EIF5B: variants seen among roughly 807,000 people sequenced by gnomAD.
The protein encoded by EIF5B is eIF-5B.
EIF5B carries 47 observed loss-of-function variants against 147.5 expected under a neutral mutation model. The ratio of observed to expected loss-of-function variants is 0.32; its 90% CI spans 0.25 to 0.41. The LOEUF is 0.41. Among genes scored for constraint, EIF5B ranks in the 10% least tolerant of loss-of-function variants. The pLI is 1.00. For synonymous variants in EIF5B, 455 were observed against 456.2 expected (o/e 1.00, Z 0.03); for missense variants, 1,064 against 1,413.2 (o/e 0.75, Z 3.96).
intron 1 of EIF5B, among the ~76,000 whole-genome samples, chr2:99,355,610 G>GTTTTTTTT (rs67037124): frequency 1.0e-5 from 1 of 98,614 alleles, no homozygotes. Context: ...TGTTTTTTGG[G>GTTTTTTTT]TTTTTTTTTT....
chr2:99,381,994 A>C (rs1674699166), intron 12 of EIF5B, among the ~76,000 whole-genome samples, 165 bp from the exon 13 acceptor site: 2 of 152,180 alleles, frequency 1.3e-5, no homozygotes, highest in South Asian at 4.1e-4. Flanking sequence ...TTTTAATGAA[A>C]ATACTGACAA....
At chr2:99,370,101 T>C (rs1241171207) in intron 8 of EIF5B, among the ~76,000 whole-genome samples, 1 of 152,158 alleles carries the variant, frequency 6.6e-6, no homozygotes, top group Admixed American at 6.5e-5. Flanking sequence ...CAGAAGCAAA[T>C]TGGAAGGATT....
intron 1 of EIF5B, chr2:99,338,222 G>A (rs2094248763): frequency 9.1e-6 from 8 of 874,590 alleles, no homozygotes; most frequent in Non-Finnish European, 3.3e-6. Context: ...AAGAAAGGAA[G>A]GGAAGAAGAA....
rs187317776 is a variant in EIF5B, at chr2:99,398,619, G to C, written c.3394-129G>C. ...ACCAAAATGTTACACCGTGAGTGATGAAAGGATCGCACTGCCATGACTTTT... is the reference window on the plus strand; with the variant it reads ...ACCAAAATGTTACACCGTGAGTGATCAAAGGATCGCACTGCCATGACTTTT... On this transcript the variant is annotated intron_variant, in intron 22 of 23. Coordinates refer to ENST00000289371, the MANE Select transcript of EIF5B (RefSeq NM_015904.4). The C allele has an allele frequency of 3.1e-6, 3 of 960,656 alleles. No individual in the cohort carries two copies. In the Admixed American group the frequency reaches 8.7e-5, roughly 28 times the overall value. 59.5% of individuals were successfully genotyped at this position (960,656 alleles called of 1,614,324 possible).
At chr2:99,342,953 T>C (rs1346217008) in intron 1 of EIF5B, among the ~76,000 whole-genome samples, 1 of 151,044 alleles carries the variant, frequency 6.6e-6, no homozygotes, top group African/African-American at 2.4e-5. Flanking sequence ...TTTTTCTTTC[T>C]TTCTTTCTTT....
intron 3 of EIF5B, among the ~76,000 whole-genome samples, 184 bp downstream of exon 3, chr2:99,360,733 G>A (rs150269958): frequency 0.011 from 1,673 of 152,296 alleles, 9 homozygotes; most frequent in Middle Eastern, 0.024. Context: ...TATGTTGATT[G>A]TTCATAAAAT....
At chr2:99,384,653 G>A (rs1434089854) in intron 14 of EIF5B, among the ~76,000 whole-genome samples, 1 of 152,216 alleles carries the variant, frequency 6.6e-6, no homozygotes, top group Non-Finnish European at 1.5e-5. Flanking sequence ...AACATTGATA[G>A]GAGTTTGGAA....
rs921201478 is a variant in EIF5B at position 99,400,318 on chromosome 2, A to C, written c.*904A>C. ...TTTGTCCTAGAAAATTCCATCATAC[A>C]CACATTTCCTGATATTTGGGCTTAG... On this transcript the variant is annotated 3_prime_UTR_variant, in exon 24 of 24. Coordinates refer to ENST00000289371, the MANE Select transcript of EIF5B (RefSeq NM_015904.4). The C allele has an allele frequency of 6.6e-6, 1 of 152,032 alleles. No individual in the cohort carries two copies. The highest frequency in any genetic ancestry group is 2.4e-5 in the African/African-American group (1 of 41,408). 9.4% of individuals were successfully genotyped at this position (152,032 alleles called of 1,614,324 possible).
At chr2:99,359,516 A>T (rs1674162063) in intron 1 of EIF5B, among the ~76,000 whole-genome samples, 2 of 152,148 alleles carry the variant, frequency 1.3e-5, no homozygotes, top group South Asian at 4.1e-4. Context: ...GACATTTTAG[A>T]CTGGACTGCC....
intron 1 of EIF5B, among the ~76,000 whole-genome samples, chr2:99,359,720 C>T (rs1281982011): frequency 6.6e-6 from 1 of 152,116 alleles, no homozygotes; most frequent in Non-Finnish European, 1.5e-5. Context: ...ATGTTTTTCT[C>T]AGGACATTCA....
intron 4 of EIF5B, among the ~76,000 whole-genome samples, chr2:99,363,405 C>A (rs1212210710): frequency 2.0e-5 from 3 of 152,168 alleles, no homozygotes; most frequent in Non-Finnish European, 4.4e-5. Flanking sequence ...TTACTGTATT[C>A]CTCAGGACAT....
intron 5 of EIF5B, 21 bp downstream of exon 5, chr2:99,363,883 T>A (rs1184906146): frequency 6.3e-7 from 1 of 1,591,276 alleles, no homozygotes. Flanking sequence ...ATGAAGTTGG[T>A]AACATTGATA....
intron 1 of EIF5B, among the ~76,000 whole-genome samples, chr2:99,357,304 C>T (rs529666208): frequency 8.2e-4 from 125 of 152,202 alleles, no homozygotes; most frequent in Non-Finnish European, 1.4e-3. Context: ...AGATCATTTC[C>T]CATTTTCTAG....
chr2:99,373,309 G>C (rs962425707), intron 9 of EIF5B, among the ~76,000 whole-genome samples: 5 of 152,138 alleles, frequency 3.3e-5, no homozygotes, highest in African/African-American at 1.2e-4. Flanking sequence ...CTGGAGGCTG[G>C]GAAGTCCAAG....
chr2:99,345,753 C>T (rs575779292), intron 1 of EIF5B, among the ~76,000 whole-genome samples: 2 of 151,822 alleles, frequency 1.3e-5, no homozygotes, highest in African/African-American at 4.8e-5. Flanking sequence ...AAGACCAGCC[C>T]GTGCAACGTG....
In EIF5B at chr2:99,337,447, G is replaced by A; in HGVS notation, c.-108G>A. 7.1e-7 allele frequency: 1 copy of A among 1,414,322 alleles called. No individual in the cohort carries two copies. The allele number at this position is 1,414,322 out of a possible 1,614,324, so 87.6% of individuals were successfully genotyped here. On this transcript the variant is annotated 5_prime_UTR_variant, in exon 1 of 24. Transcript: ENST00000289371. ...TGTGGAGAGCCGGGTGCGAGCGGCG[G>A]CAGCACGAGGGGAAAAGAGCTGAGC... is the stretch of plus-strand genomic sequence containing the variant.
chr2:99,365,263 AT>A (rs1242585177), intron 6 of EIF5B, among the ~76,000 whole-genome samples: 9 of 152,140 alleles, frequency 5.9e-5, no homozygotes, highest in African/African-American at 2.2e-4. Flanking sequence ...TCATAAAAAA[AT>A]CTTATAGCTA....
intron 8 of EIF5B, among the ~76,000 whole-genome samples, chr2:99,370,204 T>A (rs1162979903): frequency 6.6e-6 from 1 of 152,144 alleles, no homozygotes; most frequent in Non-Finnish European, 1.5e-5. Context: ...GAATTCAACT[T>A]ACTCATTGTG....
At chr2:99,371,943 A>G (rs1045316529) in intron 9 of EIF5B, among the ~76,000 whole-genome samples, 8 of 152,172 alleles carry the variant, frequency 5.3e-5, no homozygotes, top group Admixed American at 2.6e-4. Context: ...TATTTGTAAG[A>G]TAGCTGCCTA....
Sources: allele counts gnomAD v4.1 joint callset (sites outside exome capture counted in the v4.1 genomes callset), GRCh38; gene constraint gnomAD v4.1.1; transcripts MANE v1.5; gene names NCBI Gene and HGNC (gene_info 2026-07-23, HGNC 2026-07-21).